PAPOLG: variants seen among roughly 807,000 people sequenced by gnomAD.
The protein encoded by PAPOLG is PAP-gamma.
In PAPOLG, 40 loss-of-function variants were observed where a neutral mutation model predicts 99.0. The observed-to-expected ratio is 0.40, with a 90% CI of 0.31 to 0.53. The LOEUF (loss-of-function observed/expected upper bound fraction) is 0.53, where lower values mean the gene tolerates loss of function less well. Among genes scored for constraint, PAPOLG ranks in the 20% least tolerant of loss-of-function variants. The pLI, the probability that PAPOLG is intolerant of heterozygous loss-of-function variation, is 0.41. For synonymous variants in PAPOLG, 310 were observed against 299.3 expected (o/e 1.04, Z -0.37); for missense variants, 675 against 884.1 (o/e 0.76, Z 3.00).
chr2:60,764,417 ATTT>A (rs201520818), intron 3 of PAPOLG, among the ~76,000 whole-genome samples: 2 of 140,340 alleles, frequency 1.4e-5, no homozygotes, highest in African/African-American at 2.6e-5. Context: ...ACAACTGCAG[ATTT>A]TTTTTTTTTT....
At chr2:60,773,481 T>A (rs1470131631) in intron 7 of PAPOLG, among the ~76,000 whole-genome samples, 2 of 152,216 alleles carry the variant, frequency 1.3e-5, no homozygotes, top group African/African-American at 4.8e-5. Context: ...TGTTGCTGAA[T>A]AAAAATGATA....
chr2:60,760,372 CTG>C, intron 2 of PAPOLG, 77 bp downstream of exon 2: 5 of 1,354,928 alleles, frequency 3.7e-6, no homozygotes, highest in Non-Finnish European at 5.1e-6. Flanking sequence ...TGAATACCTA[CTG>C]TGTCTCTAGA....
rs1671560284 is a variant in PAPOLG, at chr2:60,792,205, A to G, written c.1595A>G (p.Asp532Gly). 6.2e-7 allele frequency: 1 copy of G among 1,609,192 alleles called. No homozygotes were observed. Among genetic ancestry groups the G allele is most frequent in the Non-Finnish European group, 8.5e-7 (1 of 1,178,956 alleles). ...KRLSLDSSCL[D>G]SSRDTDNGTP... ...TTGTCTCTGGATAGCAGTTGTCTGG[A>G]TAGCTCCAGAGACACTGATAATGGA... The change falls in exon 17 of 22, where the codon GAT becomes GGT. Residue 532 changes from aspartate to glycine, a missense_variant. Physicochemically the swap from Asp to Gly is moderately conservative, Grantham distance 94 (BLOSUM62 -1). Coordinates refer to ENST00000238714, the MANE Select transcript of PAPOLG (RefSeq NM_022894.4).
At chr2:60,793,511 C>A in intron 17 of PAPOLG, 116 bp from the exon 18 acceptor site, 1 of 1,196,430 alleles carries the variant, frequency 8.4e-7, no homozygotes, top group Non-Finnish European at 1.2e-6. Flanking sequence ...CTGCAGTGAG[C>A]TGTGATTGTG....
At chr2:60,767,519 T>C (rs1283525985) in intron 3 of PAPOLG, among the ~76,000 whole-genome samples, 1 of 152,106 alleles carries the variant, frequency 6.6e-6, no homozygotes, top group East Asian at 1.9e-4. Context: ...CTCAGGCTGG[T>C]CTTGAACTGG....
Position 60,791,892 on chromosome 2 carries a change from T to TTC in PAPOLG, c.1518+10_1518+11insTC, listed in dbSNP as rs1671546468. On this transcript the variant is annotated intron_variant, in intron 16 of 21. Coordinates refer to ENST00000238714, the MANE Select transcript of PAPOLG (RefSeq NM_022894.4). ...TCAAAAGAAGAAAAAGGTGAGTTTA[T>TTC]AATCTTAACCCTTCAGTATGGTTTT... The TTC allele has an allele frequency of 1.2e-6, 2 of 1,611,314 alleles. No homozygotes were observed. The highest frequency in any genetic ancestry group is 8.5e-7 in the Non-Finnish European group (1 of 1,179,274).
chr2:60,770,573 C>G (rs1345518094), intron 6 of PAPOLG, 62 bp downstream of exon 6: 1 of 1,090,748 alleles, frequency 9.2e-7, no homozygotes, highest in Non-Finnish European at 1.3e-6. Flanking sequence ...AGTTTGTTTT[C>G]TGAAATCAGG....
intron 21 of PAPOLG, among the ~76,000 whole-genome samples, chr2:60,795,979 C>T (rs1671683477): frequency 2.0e-5 from 3 of 152,028 alleles, no homozygotes; most frequent in South Asian, 2.1e-4. Flanking sequence ...AGTGGGTACA[C>T]CAAACAATTG....
At chr2:60,777,748 A>G (rs1671066676) in intron 8 of PAPOLG, among the ~76,000 whole-genome samples, 1 of 152,090 alleles carries the variant, frequency 6.6e-6, no homozygotes, top group African/African-American at 2.4e-5. Context: ...GGCCTAATTT[A>G]AGTATTGTTG....
intron 15 of PAPOLG, 155 bp from the exon 16 acceptor site, chr2:60,791,606 T>C: frequency 2.7e-6 from 2 of 745,122 alleles, no homozygotes; most frequent in Non-Finnish European, 4.3e-6. Context: ...GATGGAAGTG[T>C]ATTAAAAATA....
chr2:60,795,147 A>T, intron 21 of PAPOLG, 127 bp downstream of exon 21: 1 of 782,778 alleles, frequency 1.3e-6, no homozygotes. Context: ...GTCCCCAAGG[A>T]CTAGCAGTGT....
At chr2:60,793,049 A>G (rs1401822127) in intron 17 of PAPOLG, among the ~76,000 whole-genome samples, 1 of 151,910 alleles carries the variant, frequency 6.6e-6, no homozygotes, top group Non-Finnish European at 1.5e-5. Flanking sequence ...AAAAACAAAA[A>G]CAAAAATTAG....
rs574132832 is a variant in PAPOLG at position 60,757,201 on chromosome 2, CG to C, written c.17+707del. ...GAGCCACCACCCATTTCTCCCAAAA[CG>C]TAACTGTACACACATACACGTACAT... On this transcript the variant is annotated intron_variant, in intron 1 of 21. Transcript: ENST00000238714. Among the ~76,000 whole-genome samples, 140 of 152,302 alleles carry C rather than the reference CG, an allele frequency of 9.2e-4. 1 individual carries two copies. Among genetic ancestry groups the C allele is most frequent in the Middle Eastern group, 3.4e-3 (1 of 294 alleles).
At chr2:60,792,470 G>T (rs1671571062) in intron 17 of PAPOLG, among the ~76,000 whole-genome samples, 181 bp downstream of exon 17, 1 of 152,168 alleles carries the variant, frequency 6.6e-6, no homozygotes. Flanking sequence ...AACGGTATAG[G>T]CTTATGAGCA....
At chr2:60,784,187 G>C (rs530015299) in intron 13 of PAPOLG, among the ~76,000 whole-genome samples, 13 of 152,280 alleles carry the variant, frequency 8.5e-5, no homozygotes, top group African/African-American at 3.1e-4. Flanking sequence ...TGGCCAGGCT[G>C]GTCTTGAACT....
intron 3 of PAPOLG, among the ~76,000 whole-genome samples, chr2:60,764,825 T>C (rs1670625665): frequency 1.3e-5 from 2 of 152,144 alleles, no homozygotes; most frequent in Admixed American, 1.3e-4. Context: ...TAAAGTTGAG[T>C]CTCCTAAAGA....
Position 60,768,453 on chromosome 2 carries a change from G to C in PAPOLG, c.247-17G>C. The C allele has an allele frequency of 3.1e-6, 5 of 1,611,182 alleles. No individual in the cohort carries two copies. The highest frequency in any genetic ancestry group is 4.2e-6 in the Non-Finnish European group (5 of 1,178,712). On this transcript the variant is annotated splice_polypyrimidine_tract_variant and intron_variant, in intron 3 of 21. Transcript: ENST00000238714. The stretch of plus-strand genomic sequence containing the variant: ...TAATTTGAATAATTGAATGTCTTCC[G>C]CTTAATTTTATTTTAGAACCTCCCA...
intron 17 of PAPOLG, 53 bp from the exon 18 acceptor site, chr2:60,793,574 A>G (rs1480431975): frequency 3.8e-6 from 6 of 1,589,466 alleles, no homozygotes; most frequent in East Asian, 2.3e-5. Context: ...AAAAAAGGAG[A>G]AAAAAAGTAA....
intron 3 of PAPOLG, among the ~76,000 whole-genome samples, chr2:60,766,186 G>C (rs775367256): frequency 2.0e-5 from 3 of 152,244 alleles, no homozygotes; most frequent in Non-Finnish European, 2.9e-5. Context: ...AAATATGATT[G>C]AAGATTAAAT....
Sources: allele counts gnomAD v4.1 joint callset (sites outside exome capture counted in the v4.1 genomes callset), GRCh38; gene constraint gnomAD v4.1.1; transcripts MANE v1.5; gene names NCBI Gene and HGNC (gene_info 2026-07-23, HGNC 2026-07-21).